Variants in DLGAP2 observed in about 807,000 individuals in gnomAD.
DLGAP2 encodes DLG associated protein 2, also known as disks large-associated protein 2.
DLGAP2 carries 26 observed loss-of-function variants against 100.3 expected under a neutral mutation model. That is an observed-to-expected ratio of 0.26 (90% CI 0.19 to 0.36). The LOEUF (loss-of-function observed/expected upper bound fraction) is 0.36, where lower values mean the gene tolerates loss of function less well. DLGAP2 is among the 10% of genes least tolerant of loss of function. DLGAP2 has a pLI of 1.00. For synonymous variants in DLGAP2, 886 were observed against 630.1 expected, an observed-to-expected ratio of 1.41 and a Z score of -6.08; for missense variants, 1,858 against 1,453.2, an observed-to-expected ratio of 1.28 and a Z score of -4.53.
intron 2 of DLGAP2, among the ~76,000 whole-genome samples, chr8:1,250,791 C>T (rs1379678991): frequency 6.6e-6 from 1 of 152,164 alleles, no homozygotes; most frequent in South Asian, 2.1e-4. Context: ...GTCCTACACA[C>T]GATTTATTAA....
At chr8:1,236,202 T>TCTCTCACACAGAGCATCGTGTCTAGTA (rs1798649088) in intron 2 of DLGAP2, among the ~76,000 whole-genome samples, 1 of 108,430 alleles carries the variant, frequency 9.2e-6, no homozygotes, top group African/African-American at 3.8e-5. Flanking sequence ...CGTGTCTAGT[T>TCTCTCACACAGAGCATCGTGTCTAGTA]CTCTCACATG....
At position 1,343,006 on chromosome 8, in the gene DLGAP2, T is replaced by A. The variant is rs147494909; in HGVS notation, c.106+84123T>A. Reference sequence around the variant, plus strand: ...TGCGGGGTGCTGGGAGCACAGAGATTATTGAGAAATCTGTTCTTGCCACAT... The same window carrying A: ...TGCGGGGTGCTGGGAGCACAGAGATAATTGAGAAATCTGTTCTTGCCACAT... On this transcript the variant is annotated intron_variant, in intron 3 of 14. Coordinates refer to ENST00000637795, the MANE Select transcript of DLGAP2 (RefSeq NM_001346810.2). Among the ~76,000 whole-genome samples the A allele has an allele frequency of 5.8e-4, 89 of 152,300 alleles. 1 individual carries two copies. The highest frequency in any genetic ancestry group is 1.9e-3 in the African/African-American group (80 of 41,558).
rs186705027 is a variant in DLGAP2 at position 1,083,703 on chromosome 8, A to G, written c.74-175148A>G. On this transcript the variant is annotated intron_variant, in intron 2 of 14. Transcript: ENST00000637795. ...TCTTTTGTTATGGCACACGGTTCCA[A>G]AGTAGATCATTTGAAAGCATTAATT... is the stretch of plus-strand genomic sequence containing the variant. Among the ~76,000 whole-genome samples the G allele has an allele frequency of 5.3e-5, 8 of 152,320 alleles. No individual in the cohort carries two copies. In the East Asian group the frequency reaches 1.4e-3, roughly 26 times the overall value.
chr8:1,284,882 G>T (rs978512486), intron 3 of DLGAP2, among the ~76,000 whole-genome samples: 2 of 152,202 alleles, frequency 1.3e-5, no homozygotes, highest in African/African-American at 4.8e-5. Context: ...ATGAGCCAGA[G>T]CTTCTTTTCT....
chr8:742,556 G>A (rs535965519), intron 1 of DLGAP2, among the ~76,000 whole-genome samples: 10 of 152,208 alleles, frequency 6.6e-5, no homozygotes, highest in Non-Finnish European at 1.2e-4. Context: ...TCACCCAGGC[G>A]GGAGTGCACT....
chr8:1,493,322 C>G lies in DLGAP2; in HGVS notation c.107-8044C>G, dbSNP rs1030568041. Among the ~76,000 whole-genome samples the G allele has an allele frequency of 5.3e-5, 8 of 152,254 alleles. No individual in the cohort carries two copies. The South Asian group carries it at 1.4e-3, about 28-fold the overall frequency. On this transcript the variant is annotated intron_variant, in intron 3 of 14. Transcript: ENST00000637795. Reference sequence around the variant, plus strand: ...CAGACGGCTGCCTCCATCTCCGTGGCTTTCAGACACGCCTCTGTGGACCCA... The same window carrying G: ...CAGACGGCTGCCTCCATCTCCGTGGGTTTCAGACACGCCTCTGTGGACCCA...
At chr8:1,074,580 G>A (rs1803544269) in intron 2 of DLGAP2, among the ~76,000 whole-genome samples, 1 of 152,116 alleles carries the variant, frequency 6.6e-6, no homozygotes, top group African/African-American at 2.4e-5. Context: ...CCCTCTTTTT[G>A]CTTCTTACCA....
At chr8:1,043,075 G>A (rs1320606507) in intron 2 of DLGAP2, among the ~76,000 whole-genome samples, 3 of 149,518 alleles carry the variant, frequency 2.0e-5, no homozygotes, top group Admixed American at 1.3e-4. Flanking sequence ...TGTGGGTGGT[G>A]GATGTGGGAG....
intron 3 of DLGAP2, among the ~76,000 whole-genome samples, chr8:1,361,712 A>G (rs1480840322): frequency 2.0e-5 from 3 of 152,236 alleles, no homozygotes; most frequent in Non-Finnish European, 2.9e-5. Flanking sequence ...AAGGCCCTAC[A>G]CGGTAACTGA....
chr8:899,378 G>A (rs541555864), intron 1 of DLGAP2, among the ~76,000 whole-genome samples: 5 of 152,344 alleles, frequency 3.3e-5, no homozygotes, highest in African/African-American at 1.2e-4. Context: ...GGGCCACGCT[G>A]CTGAGAAGGG....
intron 2 of DLGAP2, among the ~76,000 whole-genome samples, chr8:1,188,774 C>G (rs1273726347): frequency 2.0e-5 from 3 of 152,222 alleles, no homozygotes; most frequent in African/African-American, 7.2e-5. Flanking sequence ...TTTCCTGTTA[C>G]ACGCTGAACA....
intron 3 of DLGAP2, among the ~76,000 whole-genome samples, chr8:1,431,951 C>G (rs1187061008): frequency 6.6e-6 from 1 of 151,270 alleles, no homozygotes; most frequent in Non-Finnish European, 1.5e-5. Context: ...CCATGCCAGC[C>G]AGCACCGCTA....
chr8:1,204,351 G>T (rs537691652), intron 2 of DLGAP2, among the ~76,000 whole-genome samples: 1 of 152,232 alleles, frequency 6.6e-6, no homozygotes, highest in East Asian at 1.9e-4. Flanking sequence ...GGAAGAACCC[G>T]GGGATTCTGG....
At chr8:828,230 A>G (rs551104162) in intron 1 of DLGAP2, among the ~76,000 whole-genome samples, 86 of 152,330 alleles carry the variant, frequency 5.6e-4, no homozygotes, top group African/African-American at 2.0e-3. Context: ...TTTATTAGGC[A>G]GGAATTTCCT....
intron 2 of DLGAP2, among the ~76,000 whole-genome samples, chr8:1,243,944 T>G (rs11995550): frequency 0.2 from 30,673 of 152,132 alleles, 3,789 homozygotes; most frequent in African/African-American, 0.34. Flanking sequence ...TGTGTCCTCA[T>G]CTACCTTCCA....
intron 3 of DLGAP2, among the ~76,000 whole-genome samples, chr8:1,412,070 C>G (rs1348200397): frequency 6.6e-6 from 1 of 152,268 alleles, no homozygotes; most frequent in Admixed American, 6.5e-5. Flanking sequence ...CCTGGAGTCA[C>G]TGCCCTTTCT....
intron 4 of DLGAP2, among the ~76,000 whole-genome samples, chr8:1,518,626 T>C (rs1235803921): frequency 3.3e-5 from 5 of 152,222 alleles, no homozygotes; most frequent in Non-Finnish European, 5.9e-5. Context: ...ATGTTCCTAG[T>C]AGACTTGAGC....
chr8:950,511 GC>G (rs1462656606), intron 2 of DLGAP2, among the ~76,000 whole-genome samples: 1 of 152,064 alleles, frequency 6.6e-6, no homozygotes, highest in African/African-American at 2.4e-5. Flanking sequence ...ATAAAATACA[GC>G]ACAGTTAGTA....
rs138138480 is a variant in DLGAP2 at position 1,040,536 on chromosome 8, C to T, written c.73+132570C>T. Among the ~76,000 whole-genome samples the T allele has an allele frequency of 6.2e-3, 912 of 147,312 alleles. 11 individuals are homozygous for T. The highest frequency in any genetic ancestry group is 0.021 in the African/African-American group (822 of 39,268). ...GTTGGCTCGGTTTCCGTGGTCGGCTCGGTGTGCGTGGTCGGCTCGGTGCGT... is the reference window on the plus strand; with the variant it reads ...GTTGGCTCGGTTTCCGTGGTCGGCTTGGTGTGCGTGGTCGGCTCGGTGCGT... On this transcript the variant is annotated intron_variant, in intron 2 of 14. Transcript: ENST00000637795.
Sources: allele counts gnomAD v4.1 joint callset (sites outside exome capture counted in the v4.1 genomes callset), GRCh38; gene constraint gnomAD v4.1.1; transcripts MANE v1.5; gene names NCBI Gene and HGNC (gene_info 2026-07-23, HGNC 2026-07-21).